The following DIP2B variants were observed in gnomAD, a reference collection of about 807,000 sequenced individuals.
DIP2B encodes disco-interacting protein 2 homolog B.
In DIP2B, 76 loss-of-function variants were observed where a neutral mutation model predicts 198.0. That is an observed-to-expected ratio of 0.38 (90% CI 0.32 to 0.46). DIP2B has a LOEUF of 0.46. DIP2B is among the 20% of genes least tolerant of loss of function. DIP2B has a pLI of 0.99. For missense variants in DIP2B, 1,559 were observed against 1,978.4 expected, an observed-to-expected ratio of 0.79 and a Z score of 4.02; for synonymous variants, 701 against 739.1, an observed-to-expected ratio of 0.95 and a Z score of 0.84.
intron 1 of DIP2B, among the ~76,000 whole-genome samples, chr12:50,533,803 G>C (rs1334022074): frequency 6.6e-6 from 1 of 151,924 alleles, no homozygotes; most frequent in African/African-American, 2.4e-5. Context: ...GCCTAGGCTG[G>C]TCTTGAACTC....
At chr12:50,686,252 T>C (rs1939128524) in intron 11 of DIP2B, among the ~76,000 whole-genome samples, 1 of 152,148 alleles carries the variant, frequency 6.6e-6, no homozygotes, top group Non-Finnish European at 1.5e-5. Flanking sequence ...TGGAAAAAGC[T>C]ACCACTCTGT....
At chr12:50,614,576 A>C (rs1402693) in intron 1 of DIP2B, among the ~76,000 whole-genome samples, 9,846 of 152,214 alleles carry the variant, frequency 0.065, 737 homozygotes, top group East Asian at 0.36. Context: ...GCATTCATCC[A>C]ACGTTGAGCT....
At chr12:50,673,659 C>T (rs1001459847) in intron 5 of DIP2B, among the ~76,000 whole-genome samples, 4 of 152,032 alleles carry the variant, frequency 2.6e-5, no homozygotes, top group African/African-American at 7.2e-5. Flanking sequence ...TAGTGGTGTG[C>T]ACCTGTGGTC....
chr12:50,612,009 G>GA (rs943437650), intron 1 of DIP2B, among the ~76,000 whole-genome samples: 8,698 of 122,278 alleles, frequency 0.071, 804 homozygotes, highest in African/African-American at 0.23. Flanking sequence ...CTCTAAAAAA[G>GA]AAAAAAAAAA....
chr12:50,711,090 A>C (rs1939606099), intron 22 of DIP2B, among the ~76,000 whole-genome samples: 1 of 152,218 alleles, frequency 6.6e-6, no homozygotes, highest in African/African-American at 2.4e-5. Context: ...CTGGAAAGCA[A>C]CTATAGGAAT....
chr12:50,631,461 A>G (rs560380461), intron 2 of DIP2B, among the ~76,000 whole-genome samples: 9 of 151,678 alleles, frequency 5.9e-5, no homozygotes, highest in African/African-American at 2.2e-4. Flanking sequence ...TCTTGACCTC[A>G]TGATCCACCT....
intron 1 of DIP2B, among the ~76,000 whole-genome samples, chr12:50,544,705 C>T (rs1286852374): frequency 1.3e-5 from 2 of 151,206 alleles, no homozygotes; most frequent in Non-Finnish European, 2.9e-5. Context: ...GCAACCTCCA[C>T]TTCCCAGGTT....
chr12:50,668,609 A>G (rs1375460804), intron 4 of DIP2B, among the ~76,000 whole-genome samples: 2 of 152,224 alleles, frequency 1.3e-5, no homozygotes, highest in Admixed American at 1.3e-4. Context: ...CTGTCTTTTT[A>G]AAATTGGGTT....
At chr12:50,654,879 T>C in intron 3 of DIP2B, 2 of 281,412 alleles carry the variant, frequency 7.1e-6, no homozygotes, top group Admixed American at 3.9e-5. Context: ...CAACACACTC[T>C]GAAGGTTAGG....
At chr12:50,720,884 G>A (rs981070638) in intron 25 of DIP2B, among the ~76,000 whole-genome samples, 14 of 152,030 alleles carry the variant, frequency 9.2e-5, no homozygotes, top group African/African-American at 2.7e-4. Context: ...TCGCTCTGTC[G>A]CCCAGGCATT....
At position 50,745,243 on chromosome 12, in the gene DIP2B, C is replaced by T. The variant is rs759260744; in HGVS notation, c.*404C>T. The T allele has an allele frequency of 1.0e-5, 2 of 191,192 alleles. No individual in the cohort carries two copies. Among genetic ancestry groups the T allele is most frequent in the Admixed American group, 5.4e-5 (1 of 18,642 alleles). 11.8% of individuals were successfully genotyped at this position (191,192 alleles called of 1,614,324 possible). A position where few individuals can be genotyped will look rare whatever the true frequency, so the allele number is the denominator to read the frequency against. On this transcript the variant is annotated 3_prime_UTR_variant, in exon 38 of 38. Coordinates refer to ENST00000301180, the MANE Select transcript of DIP2B (RefSeq NM_173602.3). ...TCCGTACTGTATTTTGCCATTCTGCCGTAGCTAGATGTTCTGTGGGGTTTG... is the reference window on the plus strand; with the variant it reads ...TCCGTACTGTATTTTGCCATTCTGCTGTAGCTAGATGTTCTGTGGGGTTTG...
chr12:50,510,749 G>A (rs999812543), intron 1 of DIP2B, among the ~76,000 whole-genome samples: 25 of 151,640 alleles, frequency 1.6e-4, no homozygotes, highest in Non-Finnish European at 2.6e-4. Flanking sequence ...GGGTTCAAGC[G>A]ATTCTTCTGC....
intron 2 of DIP2B, among the ~76,000 whole-genome samples, chr12:50,630,453 A>G (rs998426476): frequency 2.0e-4 from 30 of 151,770 alleles, no homozygotes; most frequent in African/African-American, 6.3e-4. Context: ...TTTTAAAGCT[A>G]TGTTATTAGG....
At chr12:50,518,101 A>G (rs1958081980) in intron 1 of DIP2B, among the ~76,000 whole-genome samples, 1 of 152,216 alleles carries the variant, frequency 6.6e-6, no homozygotes, top group African/African-American at 2.4e-5. Context: ...ATTGCATACA[A>G]TGTATCTTCC....
chr12:50,632,294 A>C (rs1039369982), intron 2 of DIP2B, among the ~76,000 whole-genome samples: 1 of 151,714 alleles, frequency 6.6e-6, no homozygotes, highest in African/African-American at 2.4e-5. Flanking sequence ...AGCCTGACCA[A>C]CATGGAGAAA....
At chr12:50,524,889 G>A (rs939886855) in intron 1 of DIP2B, among the ~76,000 whole-genome samples, 8 of 152,030 alleles carry the variant, frequency 5.3e-5, no homozygotes, top group South Asian at 2.1e-4. Flanking sequence ...CACCATGCCC[G>A]CCTAATTTTT....
chr12:50,697,066 G>A lies in DIP2B; in HGVS notation c.1939G>A (p.Val647Met). ...GATCTGTTCCAACTCCTTAGGGTCC[G>A]TGTCATCCTGTGATGCCTTCCTGAG... is the stretch of plus-strand genomic sequence containing the variant. ...IVTDGANPWS[V>M]SSCDAFLSLF... Residue 647 changes from valine (V) to methionine (M), a missense_variant, in exon 17 of 38, where the codon GTG (valine) becomes ATG (methionine). Coordinates refer to ENST00000301180, the MANE Select transcript of DIP2B (RefSeq NM_173602.3). 3 of 1,613,736 alleles carry A rather than the reference G, an allele frequency of 1.9e-6. No individual in the cohort carries two copies. The highest frequency in any genetic ancestry group is 1.1e-5 in the South Asian group (1 of 91,044).
intron 8 of DIP2B, chr12:50,679,400 G>A (rs1939000117): frequency 6.3e-6 from 1 of 157,492 alleles, no homozygotes; most frequent in African/African-American, 2.4e-5. Context: ...TATTCAAACA[G>A]ATTCCTTTTC....
rs186018144 is a variant in DIP2B, at chr12:50,733,406, C to T, written c.3982-729C>T. Among the ~76,000 whole-genome samples the T allele has an allele frequency of 8.5e-5, 13 of 152,092 alleles. No individual in the cohort carries two copies. In the East Asian group the frequency reaches 1.4e-3, roughly 16 times the overall value. ...TTAATGTGTAATAAGGCAAATATAG[C>T]GCCAGGTGTGGTGGTTCATGGCTAT... On this transcript the variant is annotated intron_variant, in intron 32 of 37. Transcript: ENST00000301180.
Sources: gnomAD v4.1 joint callset for allele counts (sites outside exome capture counted in the v4.1 genomes callset) on GRCh38, gnomAD v4.1.1 for gene constraint, MANE v1.5 for transcripts, NCBI Gene and HGNC (gene_info 2026-07-23, HGNC 2026-07-21) for gene names.